The following SOD2 variants were observed in gnomAD, a reference collection of about 807,000 sequenced individuals.
SOD2 encodes superoxide dismutase 2, also known as superoxide dismutase [Mn], mitochondrial.
SOD2 carries 11 observed loss-of-function variants against 27.0 expected under a neutral mutation model. That is an observed-to-expected ratio of 0.41 (90% confidence interval 0.26 to 0.67). The LOEUF (loss-of-function observed/expected upper bound fraction) is 0.67. Ranked by LOEUF, SOD2 falls within the 30% of genes least tolerant of loss-of-function variation. The pLI, the probability that SOD2 is intolerant of heterozygous loss-of-function variation, is 0.34. For missense variants in SOD2, 250 were observed against 274.5 expected (o/e 0.91, Z 0.63); for synonymous variants, 105 against 103.0 (o/e 1.02, Z -0.12).
rs1172634654 is a variant in SOD2 at position 159,693,240 on chromosome 6, G to C, written c.-73C>G. 3.6e-6 allele frequency: 5 copies of C among 1,407,098 alleles called. No individual in the cohort carries two copies. The highest frequency in any genetic ancestry group is 1.5e-5 in the African/African-American group (1 of 67,058). The allele number at this position is 1,407,098 out of a possible 1,614,324, so 87.2% of individuals were successfully genotyped here. The stretch of plus-strand genomic sequence containing the variant: ...GCTGCCGAAGCCACCACAGCCACGA[G>C]TGCCGCTCCTGCGCCGCCCGCGGGC... On this transcript the variant is annotated 5_prime_UTR_variant, in exon 1 of 5. Coordinates refer to ENST00000538183, the MANE Select transcript of SOD2 (RefSeq NM_000636.4).
intron 1 of SOD2, among the ~76,000 whole-genome samples, chr6:159,716,650 A>T (rs776841480): frequency 3.9e-5 from 6 of 152,202 alleles, no homozygotes; most frequent in Non-Finnish European, 8.8e-5. Flanking sequence ...CATCAAGGGC[A>T]TGACGGGAGG....
At chr6:159,734,585 A>T (rs1384244241) in intron 1 of SOD2, among the ~76,000 whole-genome samples, 2 of 152,176 alleles carry the variant, frequency 1.3e-5, no homozygotes, top group African/African-American at 4.8e-5. Context: ...CTGAGATGAG[A>T]GTATGACTTG....
At chr6:159,708,749 C>T (rs954271928) in intron 1 of SOD2, among the ~76,000 whole-genome samples, 6 of 152,166 alleles carry the variant, frequency 3.9e-5, no homozygotes, top group Non-Finnish European at 7.3e-5. Flanking sequence ...TGACTTTCTT[C>T]ACAGAATTGG....
At chr6:159,705,286 G>A (rs201182824) in intron 1 of SOD2, among the ~76,000 whole-genome samples, 1 of 152,228 alleles carries the variant, frequency 6.6e-6, no homozygotes, top group Non-Finnish European at 1.5e-5. Context: ...ACTTTGACGA[G>A]TTGAGAGAAG....
upstream of SOD2, among the ~76,000 whole-genome samples, chr6:159,746,015 AAAG>A (rs1217995846): frequency 1.3e-5 from 2 of 152,210 alleles, no homozygotes; most frequent in African/African-American, 4.8e-5. Flanking sequence ...TCAAATTTTA[AAAG>A]AAGAGTAGAG....
chr6:159,693,279 G>C (rs5746092), upstream of SOD2: 231,500 of 983,860 alleles, frequency 0.24, 28,464 homozygotes, highest in East Asian at 0.38. Context: ...AAGAAAGCGC[G>C]GGGAGCAGGG....
At chr6:159,755,427 A>G (rs1485484821) in intron 1 of SOD2, 2 of 1,614,074 alleles carry the variant, frequency 1.2e-6, no homozygotes, top group African/African-American at 1.3e-5. Context: ...AGTGCGGGGT[A>G]TGAAAGTGTA....
chr6:159,722,470 AATAGAC>A (rs1183304623), intron 1 of SOD2, among the ~76,000 whole-genome samples: 2 of 152,256 alleles, frequency 1.3e-5, no homozygotes, highest in East Asian at 3.9e-4. Context: ...AAATTGGTGT[AATAGAC>A]ACTACCAATG....
chr6:159,722,817 T>G (rs1778066515), intron 1 of SOD2, among the ~76,000 whole-genome samples: 1 of 152,196 alleles, frequency 6.6e-6, no homozygotes, highest in Non-Finnish European at 1.5e-5. Context: ...ACCAGACTTG[T>G]AGGAAGTCAG....
chr6:159,720,538 G>A (rs1484679035), intron 1 of SOD2: 2 of 152,778 alleles, frequency 1.3e-5, no homozygotes, highest in South Asian at 1.8e-4. Flanking sequence ...AGAAAAGGAT[G>A]GTAGTAAGTT....
chr6:159,688,140 C>T lies in SOD2; in HGVS notation c.329G>A (p.Gly110Asp). 1 of 1,606,316 alleles carries T rather than the reference C, an allele frequency of 6.2e-7. No individual in the cohort carries two copies. The highest frequency in any genetic ancestry group is 8.5e-7 in the Non-Finnish European group (1 of 1,172,850). The change falls in exon 3 of 5, where the codon GGT becomes GAT. Residue 110 changes from glycine (G) to aspartate (D), a missense_variant. Transcript: ENST00000538183. ...TATATACCAACCTTTGGGTTCTCCA[C>T]CACCGTTAGGGCTGAGGTTTGTCCA... ...IFWTNLSPNGGGEPKGELLEA... is the reference protein window; with the variant it reads ...IFWTNLSPNGDGEPKGELLEA...
intron 1 of SOD2, chr6:159,742,028 C>A: frequency 8.5e-7 from 1 of 1,173,052 alleles, no homozygotes; most frequent in Non-Finnish European, 1.2e-6. Flanking sequence ...TAGATATCTT[C>A]TAGTTTATTT....
chr6:159,748,242 A>C, upstream of SOD2: 4 of 1,614,104 alleles, frequency 2.5e-6, no homozygotes, highest in Non-Finnish European at 3.4e-6. This position sits in a 1 kb window ranked among gnomAD's most constrained non-coding sequence, Gnocchi z 5.6. Flanking sequence ...TGCCCAACTG[A>C]GATCAACAAT....
At chr6:159,751,576 T>C (rs1421715266) in intron 1 of SOD2, among the ~76,000 whole-genome samples, 1 of 152,250 alleles carries the variant, frequency 6.6e-6, no homozygotes, top group Non-Finnish European at 1.5e-5. Context: ...GGTGGAAATC[T>C]GGAGCTACAG....
chr6:159,737,734 C>T (rs1302184992), intron 1 of SOD2, among the ~76,000 whole-genome samples: 1 of 152,152 alleles, frequency 6.6e-6, no homozygotes, highest in African/African-American at 2.4e-5. Context: ...TCAAGATATA[C>T]TCCCGCCTCA....
chr6:159,705,592 A>G (rs1777610754), intron 1 of SOD2, among the ~76,000 whole-genome samples: 1 of 152,160 alleles, frequency 6.6e-6, no homozygotes, highest in Admixed American at 6.5e-5. Flanking sequence ...AAAGAAACAA[A>G]GCCTCCAAGA....
Position 159,684,960 on chromosome 6 carries a change from A to G in SOD2, c.417T>C (p.Ser139=). 4 of 1,613,870 alleles carry G rather than the reference A, an allele frequency of 2.5e-6. No individual in the cohort carries two copies. The highest frequency in any genetic ancestry group is 3.4e-6 in the Non-Finnish European group (4 of 1,179,878). ...DKFKEKLTAA[S]VGVQGSGWGW... ...CCCAACCTGAGCCTTGGACACCAAC[A>G]GATGCAGCCGTCAGCTTCTCCTTAA... is the stretch of plus-strand genomic sequence containing the variant. Residue 139 remains serine (S), a synonymous_variant, in exon 4 of 5, where the codon TCT becomes TCC. Transcript: ENST00000538183.
At position 159,676,530 on chromosome 6, in the gene SOD2, A is replaced by T. The variant is rs1216759963; in HGVS notation, c.*5963T>A. On this transcript the variant is annotated 3_prime_UTR_variant, in exon 5 of 5. Transcript: ENST00000538183. ...ACAAACACCGCATGTTCTCACTCAT[A>T]GATGGGAATTGAACAATGAGAACAC... is the stretch of plus-strand genomic sequence containing the variant. The T allele has an allele frequency of 1.3e-5, 2 of 152,116 alleles. No individual in the cohort carries two copies. Among genetic ancestry groups the T allele is most frequent in the Non-Finnish European group, 2.9e-5 (2 of 68,050 alleles). 9.4% of individuals were successfully genotyped at this position (152,116 alleles called of 1,614,324 possible).
upstream of SOD2, among the ~76,000 whole-genome samples, chr6:159,696,589 G>C (rs769407668): frequency 6.6e-6 from 1 of 152,034 alleles, no homozygotes; most frequent in Non-Finnish European, 1.5e-5. Context: ...CAAAGTGCTG[G>C]GATTACAGGC....
Sources: gnomAD v4.1 joint callset for allele counts (sites outside exome capture counted in the v4.1 genomes callset) on GRCh38, gnomAD v4.1.1 for gene constraint, Gnocchi (gnomAD v3.1) non-coding constraint, MANE v1.5 for transcripts, NCBI Gene and HGNC (gene_info 2026-07-23, HGNC 2026-07-21) for gene names.